RNF168: variants seen among roughly 807,000 people sequenced by gnomAD.
RNF168 encodes the protein ring finger protein 168, also known as E3 ubiquitin-protein ligase RNF168.
A neutral mutation model predicts 34.9 loss-of-function variants in RNF168; 34 were observed. The observed-to-expected ratio is 0.97, with a 90% CI of 0.74 to 1.30. RNF168 has a LOEUF of 1.30. RNF168 is among the 50% of genes most tolerant of loss of function. The pLI is 0.00. For synonymous variants in RNF168, 264 were observed against 254.7 expected (o/e 1.04, Z -0.35); for missense variants, 725 against 682.5 (o/e 1.06, Z -0.69).
chr3:196,478,915 C>T (rs116404003), intron 4 of RNF168, among the ~76,000 whole-genome samples: 227 of 151,498 alleles, frequency 1.5e-3, no homozygotes, highest in African/African-American at 5.3e-3. Context: ...ACAGGACAGC[C>T]AGGCTGGTCT....
Position 196,472,202 on chromosome 3 carries a change from G to A in RNF168, c.1333C>T (p.Gln445Ter). 2 of 1,613,946 alleles carry A rather than the reference G, an allele frequency of 1.2e-6. No individual in the cohort carries two copies. The highest frequency in any genetic ancestry group is 1.3e-5 in the African/African-American group (1 of 75,016). Reference sequence around the variant, plus strand: ...AGTTGTAATGCCAATAACCTGTCCTGTTCTTCTTGTTTATGTCTCTCAAAC... The same window carrying A: ...AGTTGTAATGCCAATAACCTGTCCTATTCTTCTTGTTTATGTCTCTCAAAC... ...LLFERHKQEEQDRLLALQLQK... is the reference protein window; with the variant it reads ...LLFERHKQEE Residue 445 changes from glutamine to a stop codon, truncating the protein, a stop_gained, in exon 6 of 6, where the codon CAG becomes TAG. Transcript: ENST00000318037. LOFTEE classifies it high-confidence loss of function.
chr3:196,491,864 C>T lies in RNF168; in HGVS notation c.302-3181G>A, dbSNP rs142132838. ...GATGGACCTTCAAGACACTACGCTGCGTGAAACAGCCAGTCACCAAAGGAC... is the reference window on the plus strand; with the variant it reads ...GATGGACCTTCAAGACACTACGCTGTGTGAAACAGCCAGTCACCAAAGGAC... On this transcript the variant is annotated intron_variant, in intron 1 of 5. Transcript: ENST00000318037. 8.2e-3 allele frequency among the ~76,000 whole-genome samples: 1,254 copies of T among 152,198 alleles called. 16 individuals are homozygous for T. Among genetic ancestry groups the T allele is most frequent in the Middle Eastern group, 0.024 (7 of 294 alleles).
At chr3:196,484,473 CTTTTTTTT>C (rs377178675) in intron 3 of RNF168, among the ~76,000 whole-genome samples, 43 of 97,424 alleles carry the variant, frequency 4.4e-4, no homozygotes, top group Middle Eastern at 7.0e-3. Context: ...CGCGCCCGGC[CTTTTTTTT>C]TTTTTTTTTT....
intron 1 of RNF168, among the ~76,000 whole-genome samples, chr3:196,500,866 C>G (rs1244480678): frequency 6.6e-6 from 1 of 151,508 alleles, no homozygotes; most frequent in Non-Finnish European, 1.5e-5. Flanking sequence ...CGCGTGCCAA[C>G]ATGCCCGGCT....
chr3:196,484,374 C>T (rs1405575636), intron 3 of RNF168, among the ~76,000 whole-genome samples: 2 of 150,902 alleles, frequency 1.3e-5, no homozygotes, highest in Non-Finnish European at 2.9e-5. Flanking sequence ...TGGGGTTTCA[C>T]TGTGTTAGCC....
intron 4 of RNF168, chr3:196,475,519 AAAGG>A: frequency 3.7e-6 from 2 of 547,564 alleles, no homozygotes; most frequent in Middle Eastern, 5.1e-4. Flanking sequence ...GAAAAACAGA[AAAGG>A]AAGTAAAAGT....
intron 3 of RNF168, 63 bp downstream of exon 3, chr3:196,487,336 C>G: frequency 7.6e-7 from 1 of 1,316,942 alleles, no homozygotes; most frequent in Non-Finnish European, 1.1e-6. Context: ...TTCCCATGAG[C>G]GGGTTCTGCA....
chr3:196,475,046 T>C (rs1245273084), intron 5 of RNF168, 185 bp downstream of exon 5: 1 of 573,434 alleles, frequency 1.7e-6, no homozygotes, highest in Admixed American at 3.0e-5. Context: ...GTAGTATGTT[T>C]ATTTAAAAAA....
intron 1 of RNF168, among the ~76,000 whole-genome samples, chr3:196,499,947 CA>C (rs1732839407): frequency 6.6e-6 from 1 of 152,186 alleles, no homozygotes; most frequent in Non-Finnish European, 1.5e-5. Context: ...ATAAAAACCA[CA>C]ATGGGATACC....
chr3:196,497,551 T>C (rs779475164), intron 1 of RNF168, among the ~76,000 whole-genome samples: 2 of 151,946 alleles, frequency 1.3e-5, no homozygotes, highest in Non-Finnish European at 2.9e-5. Flanking sequence ...GTGCCTGTAG[T>C]CCCAGCTACT....
rs532923830 is a variant in RNF168, at chr3:196,483,828, T to C, written c.622A>G (p.Thr208Ala). 1.2e-6 allele frequency: 2 copies of C among 1,608,468 alleles called. No individual in the cohort carries two copies. Among genetic ancestry groups the C allele is most frequent in the South Asian group, 2.2e-5 (2 of 90,964 alleles). ...TTACTTTTCTTTTCAGACTTGGGTG[T>C]AACTGGATCAGATTTTCTGGAATTC... ...PLNSRKSDPV[T>A]PKSEKKSKNK... The change falls in exon 4 of 6, where the codon ACA (threonine) becomes GCA (alanine). Residue 208 changes from threonine (T) to alanine (A), a missense_variant. Physicochemically the swap from Thr to Ala is moderately conservative, Grantham distance 58 (BLOSUM62 0). Coordinates refer to ENST00000318037, the MANE Select transcript of RNF168 (RefSeq NM_152617.4).
chr3:196,480,474 C>G (rs536164524), intron 4 of RNF168, among the ~76,000 whole-genome samples: 3 of 152,280 alleles, frequency 2.0e-5, no homozygotes, highest in South Asian at 4.1e-4. Flanking sequence ...TTGTGTGATT[C>G]TGAGCGAGAC....
intron 4 of RNF168, among the ~76,000 whole-genome samples, chr3:196,476,450 T>C (rs1732152327): frequency 6.6e-6 from 1 of 151,624 alleles, no homozygotes; most frequent in Non-Finnish European, 1.5e-5. Flanking sequence ...GGAGTCTTGC[T>C]CTGTCACCCA....
At chr3:196,499,981 T>A (rs138146335) in intron 1 of RNF168, among the ~76,000 whole-genome samples, 26 of 152,284 alleles carry the variant, frequency 1.7e-4, no homozygotes, top group African/African-American at 5.8e-4. Context: ...CCAGGATGGC[T>A]ACTATCAAAA....
chr3:196,503,091 G>A lies in RNF168; in HGVS notation c.83C>T (p.Thr28Ile), dbSNP rs747826861. Residue 28 changes from threonine to isoleucine, a missense_variant, in exon 1 of 6, where the codon ACC (threonine) becomes ATC (isoleucine). Physicochemically the swap from Thr to Ile is moderately conservative, Grantham distance 89 (BLOSUM62 -1). Coordinates refer to ENST00000318037, the MANE Select transcript of RNF168 (RefSeq NM_152617.4). ...ICMEILVEPV[T>I]LPCNHTLCKP... ...ACACAGCGTGTGGTTACACGGGAGG[G>A]TGACGGGCTCCACGAGGATTTCCAT... The A allele has an allele frequency of 6.2e-7, 1 of 1,614,148 alleles. No homozygotes were observed. Among genetic ancestry groups the A allele is most frequent in the African/African-American group, 1.3e-5 (1 of 75,052 alleles).
rs1166276410 is a variant in RNF168 at position 196,503,467 on chromosome 3, G to A, written c.-294C>T. ...GAGGAGCCTGGCTGCTCCGCGGCAT[G>A]AACACCGCGGCTGCGGCTCCCGGGG... On this transcript the variant is annotated 5_prime_UTR_variant, in exon 1 of 6. Transcript: ENST00000318037. 1 of 426,414 alleles carries A rather than the reference G, an allele frequency of 2.3e-6. No homozygotes were observed. Among genetic ancestry groups the A allele is most frequent in the Non-Finnish European group, 4.4e-6 (1 of 228,992 alleles). The allele number at this position is 426,414 out of a possible 1,614,324, so 26.4% of individuals were successfully genotyped here. A position where few individuals can be genotyped will look rare whatever the true frequency, so the allele number is the denominator to read the frequency against.
chr3:196,491,734 A>T lies in RNF168; in HGVS notation c.302-3051T>A, dbSNP rs1381937375. Among the ~76,000 whole-genome samples the T allele has an allele frequency of 2.0e-5, 3 of 152,188 alleles. No individual in the cohort carries two copies. In the East Asian group the frequency reaches 5.8e-4, roughly 29 times the overall value. On this transcript the variant is annotated intron_variant, in intron 1 of 5. Coordinates refer to ENST00000318037, the MANE Select transcript of RNF168 (RefSeq NM_152617.4). Reference sequence around the variant, plus strand: ...GGAGATACCGCTTCAGAGGACAGCCAACACTTGGTTTTTTTTTTATAATAG... The same window carrying T: ...GGAGATACCGCTTCAGAGGACAGCCTACACTTGGTTTTTTTTTTATAATAG...
At chr3:196,492,885 C>T (rs1732630229) in intron 1 of RNF168, among the ~76,000 whole-genome samples, 2 of 152,068 alleles carry the variant, frequency 1.3e-5, no homozygotes, top group Non-Finnish European at 2.9e-5. Flanking sequence ...GGCTGTATTA[C>T]TACCAAGTAG....
intron 4 of RNF168, among the ~76,000 whole-genome samples, chr3:196,479,106 G>C (rs1054110363): frequency 7.3e-5 from 11 of 151,496 alleles, no homozygotes; most frequent in African/African-American, 2.7e-4. Context: ...CACCTCCTGA[G>C]TTTTAAGCAA....
Sources: gnomAD v4.1 joint callset for allele counts (sites outside exome capture counted in the v4.1 genomes callset) on GRCh38, gnomAD v4.1.1 for gene constraint, MANE v1.5 for transcripts, NCBI Gene and HGNC (gene_info 2026-07-23, HGNC 2026-07-21) for gene names.